Variants in SLC40A1 observed in about 807,000 individuals in gnomAD.
SLC40A1 encodes the protein solute carrier family 40 member 1.
Under a neutral mutation model 53.5 loss-of-function variants are expected in SLC40A1, and 16 were observed. That is an observed-to-expected ratio of 0.30 (90% CI 0.20 to 0.45). The LOEUF is 0.45. Ranked by LOEUF, SLC40A1 falls within the 20% of genes least tolerant of loss-of-function variation. The pLI, the probability that SLC40A1 is intolerant of heterozygous loss-of-function variation, is 1.00. For missense variants in SLC40A1, 545 were observed against 695.4 expected (o/e 0.78, Z 2.43); for synonymous variants, 247 against 253.2 (o/e 0.98, Z 0.23).
At chr2:189,567,984 C>T (rs1041513992) in intron 5 of SLC40A1, among the ~76,000 whole-genome samples, 1 of 152,088 alleles carries the variant, frequency 6.6e-6, no homozygotes, top group African/African-American at 2.4e-5. Context: ...CTTAAAGTCC[C>T]AGAATGACAA....
chr2:189,574,869 T>C (rs1293308643), intron 3 of SLC40A1, among the ~76,000 whole-genome samples: 3 of 152,196 alleles, frequency 2.0e-5, no homozygotes, highest in Admixed American at 6.5e-5. Flanking sequence ...ACTTTTAATG[T>C]TTAACATGGT....
chr2:189,564,283 T>C (rs2030856906), intron 6 of SLC40A1, 58 bp from the exon 7 acceptor site: 1 of 1,473,502 alleles, frequency 6.8e-7, no homozygotes, highest in Admixed American at 1.7e-5. Flanking sequence ...TAAAAGCCAA[T>C]TATTAGTAGT....
In SLC40A1 at chr2:189,561,973, A is replaced by G; in HGVS notation, c.1621T>C (p.Phe541Leu). The change falls in exon 8 of 8, where the codon TTT becomes CTT. Residue 541 changes from phenylalanine to leucine, a missense_variant. Physicochemically the swap from Phe to Leu is conservative, Grantham distance 22. Around this residue, in one of 4 missense-constraint regions of SLC40A1, gnomAD observed 234 missense variants for 299.0 expected, o/e 0.78. Transcript: ENST00000261024. The stretch of plus-strand genomic sequence containing the variant: ...TTGTTTCCCAGAGTATTTTGGGCAA[A>G]TCGGAAATACATAATGTGGCCCATT... ...VAMGHIMYFR[F>L]AQNTLGNKLF... 1 of 1,614,154 alleles carries G rather than the reference A, an allele frequency of 6.2e-7. No individual in the cohort carries two copies. The highest frequency in any genetic ancestry group is 8.5e-7 in the Non-Finnish European group (1 of 1,179,986).
At chr2:189,570,012 A>G (rs1317081554) in intron 5 of SLC40A1, among the ~76,000 whole-genome samples, 1 of 138,522 alleles carries the variant, frequency 7.2e-6, no homozygotes, top group Non-Finnish European at 1.5e-5. Context: ...GTATATATAT[A>G]TACACACCTA....
rs45606432 is a variant in SLC40A1, at chr2:189,563,658, G to A, written c.1328C>T (p.Pro443Leu). The change falls in exon 7 of 8, where the codon CCG (proline) becomes CTG (leucine). Residue 443 changes from proline to leucine, a missense_variant. Around this residue, in one of 4 missense-constraint regions of SLC40A1, gnomAD observed 234 missense variants for 299.0 expected, o/e 0.78. Coordinates refer to ENST00000261024, the MANE Select transcript of SLC40A1 (RefSeq NM_014585.6). ...GGGCACAGATTCAGGACTTGTCTCC[G>A]GGACAATATTAGCAGAATTAGACCC... ...SNGSNSANIV[P>L]ETSPESVPII... is the part of the protein sequence containing the mutation. 3.0e-4 allele frequency: 492 copies of A among 1,614,076 alleles called. 1 individual carries two copies. In the African/African-American group the frequency reaches 5.2e-3, roughly 17 times the overall value.
In SLC40A1 at chr2:189,565,335, A is replaced by G. The variant is rs1190891939; in HGVS notation, c.760+19T>C. 4 of 1,613,634 alleles carry G rather than the reference A, an allele frequency of 2.5e-6. No individual in the cohort carries two copies. In the Admixed American group the frequency reaches 5.0e-5, roughly 20 times the overall value. ...TCTGAACATGAGAACAAAAGGAGAG[A>G]TCATTGTGTTCAGTTTACCTTTGTG... On this transcript the variant is annotated intron_variant, in intron 6 of 7. Coordinates refer to ENST00000261024, the MANE Select transcript of SLC40A1 (RefSeq NM_014585.6).
chr2:189,567,076 T>C lies in SLC40A1; in HGVS notation c.515-1477A>G, dbSNP rs539446649. Among the ~76,000 whole-genome samples, 5 of 152,298 alleles carry C rather than the reference T, an allele frequency of 3.3e-5. No individual in the cohort carries two copies. In the East Asian group the frequency reaches 7.7e-4, roughly 24 times the overall value. On this transcript the variant is annotated intron_variant, in intron 5 of 7. Coordinates refer to ENST00000261024, the MANE Select transcript of SLC40A1 (RefSeq NM_014585.6). ...GGGTATATGCCAAGAGATGATCATA[T>C]AATCATGACTGGCCTTGAATTTTAA... is the stretch of plus-strand genomic sequence containing the variant.
intron 3 of SLC40A1, among the ~76,000 whole-genome samples, chr2:189,574,847 T>G (rs1399332645): frequency 6.6e-6 from 1 of 152,184 alleles, no homozygotes; most frequent in Non-Finnish European, 1.5e-5. Context: ...TTAGGAAGCC[T>G]GAGTTAAGCA....
intron 2 of SLC40A1, among the ~76,000 whole-genome samples, chr2:189,576,308 CT>C (rs2031283484): frequency 6.6e-6 from 1 of 152,146 alleles, no homozygotes; most frequent in Non-Finnish European, 1.5e-5. Flanking sequence ...ACTTCTACTC[CT>C]AGTTCTTCCC....
Position 189,565,578 on chromosome 2 carries a change from C to T in SLC40A1, c.536G>A (p.Arg179Lys), listed in dbSNP as rs765023388. ...KLANMNATIR[R>K]IDQLTNILAP... ...TAAGATGTTGGTTAACTGGTCAATCCTTCGTATTGTGGCATTCATATCTAG... is the reference window on the plus strand; with the variant it reads ...TAAGATGTTGGTTAACTGGTCAATCTTTCGTATTGTGGCATTCATATCTAG... The change falls in exon 6 of 8, where the codon AGG becomes AAG. Residue 179 changes from arginine (R) to lysine (K), a missense_variant. Around this residue, in one of 4 missense-constraint regions of SLC40A1, gnomAD observed 197 missense variants for 278.8 expected, o/e 0.71. Coordinates refer to ENST00000261024, the MANE Select transcript of SLC40A1 (RefSeq NM_014585.6). The T allele has an allele frequency of 6.2e-6, 10 of 1,614,218 alleles. No homozygotes were observed. Among genetic ancestry groups the T allele is most frequent in the Non-Finnish European group, 8.5e-6 (10 of 1,180,038 alleles).
At position 189,580,736 on chromosome 2, in the gene SLC40A1, T is replaced by C. The variant is rs953146059; in HGVS notation, c.-276A>G. On this transcript the variant is annotated 5_prime_UTR_variant, in exon 1 of 8. Coordinates refer to ENST00000261024, the MANE Select transcript of SLC40A1 (RefSeq NM_014585.6). ...GCGGTTTGGGAGGCTCAGCAGGTCG[T>C]CCGAGCCTAGCGGACGCCCTGAGCC... 4.4e-6 allele frequency: 6 copies of C among 1,355,946 alleles called. No homozygotes were observed. The highest frequency in any genetic ancestry group is 5.7e-6 in the Non-Finnish European group (6 of 1,052,054). The allele number at this position is 1,355,946 out of a possible 1,614,324, so 84.0% of individuals were successfully genotyped here. A position where few individuals can be genotyped will look rare whatever the true frequency, so the allele number is the denominator to read the frequency against.
chr2:189,575,079 A>C (rs1018605645), intron 3 of SLC40A1, 82 bp downstream of exon 3: 42 of 1,481,862 alleles, frequency 2.8e-5, no homozygotes, highest in African/African-American at 5.5e-5. Flanking sequence ...TTTCTCTCCT[A>C]GTTTGTTGTT....
chr2:189,571,923 T>C (rs2031141008), intron 4 of SLC40A1, 82 bp from the exon 5 acceptor site: 2 of 885,480 alleles, frequency 2.3e-6, no homozygotes, highest in African/African-American at 1.6e-5. Context: ...CAGTTTAAAA[T>C]AGTCTTTGGT....
Position 189,580,456 on chromosome 2 carries a change from G to T in SLC40A1, c.5C>A (p.Thr2Asn). Residue 2 changes from threonine (T) to asparagine (N), a missense_variant, in exon 1 of 8, where the codon ACC (threonine) becomes AAC (asparagine). By Grantham distance (65) the Thr-to-Asn change is moderately conservative (BLOSUM62 0). Coordinates refer to ENST00000261024, the MANE Select transcript of SLC40A1 (RefSeq NM_014585.6). ...CTGGCGGTTGTGATCTCCCGCCCTGGTCATGACACTAGGCGACCCCGCTGG... is the reference window on the plus strand; with the variant it reads ...CTGGCGGTTGTGATCTCCCGCCCTGTTCATGACACTAGGCGACCCCGCTGG... MTRAGDHNRQRG... is the reference protein window; with the variant it reads MNRAGDHNRQRG... 1.2e-6 allele frequency: 2 copies of T among 1,613,668 alleles called. No individual in the cohort carries two copies. Among genetic ancestry groups the T allele is most frequent in the East Asian group, 2.2e-5 (1 of 44,872 alleles).
At position 189,564,636 on chromosome 2, in the gene SLC40A1, C is replaced by T. The variant is rs866354935; in HGVS notation, c.761-411G>A. On this transcript the variant is annotated intron_variant, in intron 6 of 7. Coordinates refer to ENST00000261024, the MANE Select transcript of SLC40A1 (RefSeq NM_014585.6). ...CGGGCAGATCACGAGGTCAGGAGAT[C>T]AAGACCATCCTGGCTAACATGGTGA... 3.8e-4 allele frequency among the ~76,000 whole-genome samples: 58 copies of T among 152,174 alleles called. No homozygotes were observed. The Middle Eastern group carries it at 0.01, about 27-fold the overall frequency.
At chr2:189,574,589 CT>C (rs1299427445) in intron 3 of SLC40A1, among the ~76,000 whole-genome samples, 1 of 152,144 alleles carries the variant, frequency 6.6e-6, no homozygotes, top group Non-Finnish European at 1.5e-5. Flanking sequence ...ACTTTCTTTC[CT>C]GTATAAAATG....
At chr2:189,568,476 GA>G (rs1160074757) in intron 5 of SLC40A1, among the ~76,000 whole-genome samples, 1 of 151,478 alleles carries the variant, frequency 6.6e-6, no homozygotes, top group Non-Finnish European at 1.5e-5. Flanking sequence ...GTGACAAAGC[GA>G]GACTCCGTCT....
In SLC40A1 at chr2:189,564,059, C is replaced by T. The variant is rs1276681181; in HGVS notation, c.927G>A (p.Leu309=). The T allele has an allele frequency of 6.2e-7, 1 of 1,612,182 alleles. No homozygotes were observed. Among genetic ancestry groups the T allele is most frequent in the East Asian group, 2.2e-5 (1 of 44,852 alleles). Reference sequence around the variant, plus strand: ...AAAGGAAAGCAAGACCCATGCCAGCCAGAAACACAGGCTGGTTGTAGTAGG... The same window carrying T: ...AAAGGAAAGCAAGACCCATGCCAGCTAGAAACACAGGCTGGTTGTAGTAGG... ...WVSYYNQPVF[L]AGMGLAFLYM... is the part of the protein sequence containing the mutation. The change falls in exon 7 of 8, where the codon CTG becomes CTA. Residue 309 remains leucine (L), a synonymous_variant. Coordinates refer to ENST00000261024, the MANE Select transcript of SLC40A1 (RefSeq NM_014585.6).
At chr2:189,571,187 C>CT (rs2031113573) in intron 5 of SLC40A1, among the ~76,000 whole-genome samples, 1 of 152,074 alleles carries the variant, frequency 6.6e-6, no homozygotes, top group Admixed American at 6.6e-5. Flanking sequence ...ATTCTGTCCT[C>CT]TATTTCTTTG....
Sources: allele counts gnomAD v4.1 joint callset (sites outside exome capture counted in the v4.1 genomes callset), GRCh38; gene constraint gnomAD v4.1.1; regional missense constraint gnomAD v4.1.1; transcripts MANE v1.5; gene names NCBI Gene and HGNC (gene_info 2026-07-23, HGNC 2026-07-21).